The following NPNT variants were observed in gnomAD, a reference collection of about 807,000 sequenced individuals.
The protein encoded by NPNT is nephronectin, also known as preosteoblast EGF-like repeat protein with MAM domain.
NPNT carries 45 observed loss-of-function variants against 68.6 expected under a neutral mutation model. The observed-to-expected ratio is 0.66, with a 90% CI of 0.52 to 0.84. The LOEUF is 0.84. NPNT is among the 40% of genes least tolerant of loss of function. The probability of loss-of-function intolerance (pLI) is 0.00; values close to 1 mark genes in which losing one functional copy is unlikely to be tolerated. For synonymous variants in NPNT, 233 were observed against 253.3 expected (o/e 0.92, Z 0.76); for missense variants, 672 against 714.8 (o/e 0.94, Z 0.68).
At chr4:105,954,838 G>C (rs1033500130) in intron 8 of NPNT, among the ~76,000 whole-genome samples, 1 of 152,062 alleles carries the variant, frequency 6.6e-6, no homozygotes, top group East Asian at 1.9e-4. Context: ...CCCCACTCCC[G>C]TACTCACTAG....
chr4:105,966,578 A>G (rs2149413693), intron 10 of NPNT, among the ~76,000 whole-genome samples: 2 of 152,260 alleles, frequency 1.3e-5, no homozygotes, highest in East Asian at 3.9e-4. Context: ...GGTTTCCTGA[A>G]TACCTCTGTA....
intron 2 of NPNT, among the ~76,000 whole-genome samples, chr4:105,903,482 C>T (rs1025826498): frequency 6.6e-6 from 1 of 152,174 alleles, no homozygotes; most frequent in African/African-American, 2.4e-5. Flanking sequence ...ACTCTTGCCG[C>T]TTTCCCATTG....
chr4:105,956,700 G>A lies in NPNT; in HGVS notation c.1160-1771G>A, dbSNP rs566054083. ...CTAGTAAATAAAAGAGGCACTCCCC[G>A]TCTCAGAGCACCAAATAAGGAAAGT... On this transcript the variant is annotated intron_variant, in intron 8 of 11. Coordinates refer to ENST00000379987, the MANE Select transcript of NPNT (RefSeq NM_001033047.3). 1.8e-4 allele frequency among the ~76,000 whole-genome samples: 28 copies of A among 152,248 alleles called. No homozygotes were observed. The South Asian group carries it at 1.9e-3, about 10-fold the overall frequency.
chr4:105,895,674 G>C lies in NPNT; in HGVS notation c.22G>C (p.Val8Leu). MDFLLAL[V>L]LVSSLYLQAA... ...CAACATGGATTTTCTCCTGGCGCTG[G>C]TGCTGGTATCCTCGCTCTACCTGCA... Residue 8 changes from valine to leucine, a missense_variant, in exon 1 of 12, where the codon GTG (valine) becomes CTG (leucine). Physicochemically the swap from Val to Leu is conservative, Grantham distance 32. Transcript: ENST00000379987. The C allele has an allele frequency of 1.3e-6, 2 of 1,553,012 alleles. No individual in the cohort carries two copies. Among genetic ancestry groups the C allele is most frequent in the South Asian group, 2.4e-5 (2 of 84,152 alleles).
At chr4:105,968,779 C>T (rs1339406532) in intron 11 of NPNT, 116 bp from the exon 12 acceptor site, 5 of 603,860 alleles carry the variant, frequency 8.3e-6, no homozygotes, top group Non-Finnish European at 1.2e-5. Context: ...TTTTTTTCCT[C>T]CTGCAAAATA....
chr4:105,919,610 CAAT>C (rs1449012284), intron 2 of NPNT, among the ~76,000 whole-genome samples: 1 of 152,004 alleles, frequency 6.6e-6, no homozygotes, highest in African/African-American at 2.4e-5. Context: ...TGCTTCTCGA[CAAT>C]GATATTTTTG....
intron 8 of NPNT, among the ~76,000 whole-genome samples, chr4:105,956,968 G>A (rs953278789): frequency 6.6e-6 from 1 of 152,156 alleles, no homozygotes; most frequent in Admixed American, 6.5e-5. Context: ...AACGTTCTGG[G>A]ATTATTACTT....
intron 2 of NPNT, among the ~76,000 whole-genome samples, chr4:105,917,685 T>G (rs569525257): frequency 6.6e-6 from 1 of 152,236 alleles, no homozygotes; most frequent in African/African-American, 2.4e-5. Flanking sequence ...GGGGGTGATA[T>G]AATGGTCAAA....
In NPNT at chr4:105,915,754, G is replaced by A. The variant is rs537109180; in HGVS notation, c.173-11582G>A. 2.0e-5 allele frequency among the ~76,000 whole-genome samples: 3 copies of A among 152,304 alleles called. No individual in the cohort carries two copies. In the East Asian group the frequency reaches 5.8e-4, roughly 29 times the overall value. On this transcript the variant is annotated intron_variant, in intron 2 of 11. Transcript: ENST00000379987. The stretch of plus-strand genomic sequence containing the variant: ...TTTGAAGCGCTTGTGAGACTTTGAA[G>A]TAGAGAAACTTGATATGTGCTTGGA...
intron 2 of NPNT, among the ~76,000 whole-genome samples, chr4:105,901,615 G>C (rs1213910387): frequency 6.6e-6 from 1 of 152,208 alleles, no homozygotes; most frequent in Non-Finnish European, 1.5e-5. Flanking sequence ...AGGAAATTAT[G>C]TGAATTAGGA....
In NPNT at chr4:105,971,371, G is replaced by T. The variant is rs1006770853; in HGVS notation, c.*2381G>T. 2.5e-5 allele frequency: 6 copies of T among 244,862 alleles called. No individual in the cohort carries two copies. Among genetic ancestry groups the T allele is most frequent in the African/African-American group, 1.1e-4 (5 of 45,264 alleles). 15.2% of individuals were successfully genotyped at this position (244,862 alleles called of 1,614,324 possible). A position where few individuals can be genotyped will look rare whatever the true frequency, so the allele number is the denominator to read the frequency against. On this transcript the variant is annotated 3_prime_UTR_variant, in exon 12 of 12. Coordinates refer to ENST00000379987, the MANE Select transcript of NPNT (RefSeq NM_001033047.3). Reference sequence around the variant, plus strand: ...AACCTGGTAAAGGCAGGGCTGGAGGGGGAAAATAAATCATTAAGCCTTTGA... The same window carrying T: ...AACCTGGTAAAGGCAGGGCTGGAGGTGGAAAATAAATCATTAAGCCTTTGA...
At chr4:105,895,917 G>A in intron 1 of NPNT, 194 bp downstream of exon 1, 1 of 577,856 alleles carries the variant, frequency 1.7e-6, no homozygotes. Flanking sequence ...GAGAGGGCGC[G>A]CCCTTGCGAG....
rs772456163 is a variant in NPNT, at chr4:105,938,288, ACT to A, written c.386-8_386-7del. On this transcript the variant is annotated splice_polypyrimidine_tract_variant and intron_variant, in intron 4 of 11. Transcript: ENST00000379987. ...TTCTACCTGTCTGAGTCAGCCAGTC[ACT>A]CTCTTTCCAGGTGCCCTGACCTGCT... 1.9e-6 allele frequency: 3 copies of A among 1,610,142 alleles called. No individual in the cohort carries two copies. The African/African-American group carries it at 4.0e-5, about 22-fold the overall frequency.
chr4:105,954,672 A>T (rs1560537234), intron 8 of NPNT, among the ~76,000 whole-genome samples: 2 of 152,116 alleles, frequency 1.3e-5, no homozygotes, highest in Non-Finnish European at 2.9e-5. Context: ...CTCCCCCTGT[A>T]AGGTCTACAG....
chr4:105,901,618 A>G (rs1469450893), intron 2 of NPNT, among the ~76,000 whole-genome samples: 1 of 152,200 alleles, frequency 6.6e-6, no homozygotes, highest in African/African-American at 2.4e-5. Context: ...AAATTATGTG[A>G]ATTAGGATGG....
Position 105,959,086 on chromosome 4 carries a change from A to G in NPNT, c.1305A>G (p.Lys435=). Residue 435 remains lysine (K), a synonymous_variant, in exon 10 of 12, where the codon AAA becomes AAG. Transcript: ENST00000379987. ...DHGLCGWIRE[K]DNDLHWEPIR... Reference sequence around the variant, plus strand: ...GACTTTGTGGATGGATCAGGGAGAAAGACAATGACTTGCACTGGGAACCAA... The same window carrying G: ...GACTTTGTGGATGGATCAGGGAGAAGGACAATGACTTGCACTGGGAACCAA... 1 of 1,613,686 alleles carries G rather than the reference A, an allele frequency of 6.2e-7. No homozygotes were observed. Among genetic ancestry groups the G allele is most frequent in the Middle Eastern group, 1.7e-4 (1 of 6,060 alleles).
chr4:105,937,821 T>G (rs1729614559), intron 4 of NPNT, among the ~76,000 whole-genome samples: 1 of 152,200 alleles, frequency 6.6e-6, no homozygotes. Context: ...TGATTTTTAT[T>G]TTTACTGAAT....
At chr4:105,962,863 G>GTT (rs376262245) in intron 10 of NPNT, among the ~76,000 whole-genome samples, 214 of 150,104 alleles carry the variant, frequency 1.4e-3, no homozygotes, top group African/African-American at 5.2e-3. Flanking sequence ...GTGTGTGTGT[G>GTT]TGTGTGTATG....
At chr4:105,908,689 G>C (rs1578585824) in intron 2 of NPNT, among the ~76,000 whole-genome samples, 3 of 151,610 alleles carry the variant, frequency 2.0e-5, no homozygotes, top group East Asian at 1.9e-4. Context: ...TCAGCCTCCC[G>C]AGTAGCTAGG....
Sources: gnomAD v4.1 joint callset for allele counts (sites outside exome capture counted in the v4.1 genomes callset) on GRCh38, gnomAD v4.1.1 for gene constraint, MANE v1.5 for transcripts, NCBI Gene and HGNC (gene_info 2026-07-23, HGNC 2026-07-21) for gene names.